ZNF654: variants seen among roughly 807,000 people sequenced by gnomAD.
ZNF654 encodes melanoma-associated antigen.
Under a neutral mutation model 95.3 loss-of-function variants are expected in ZNF654, and 19 were observed. That is an observed-to-expected ratio of 0.20 (90% CI 0.14 to 0.29). ZNF654 has a LOEUF of 0.29. Among genes scored for constraint, ZNF654 ranks in the 10% least tolerant of loss-of-function variants. The pLI, the probability that ZNF654 is intolerant of heterozygous loss-of-function variation, is 1.00. For synonymous variants in ZNF654, 413 were observed against 457.9 expected (o/e 0.90, Z 1.25); for missense variants, 1,046 against 1,341.0 (o/e 0.78, Z 3.44).
chr3:88,078,260 G>C (rs535466754), intron 1 of ZNF654, among the ~76,000 whole-genome samples: 1 of 152,100 alleles, frequency 6.6e-6, no homozygotes, highest in Non-Finnish European at 1.5e-5. Flanking sequence ...ATGAATGAAG[G>C]GGGTAGACCC....
chr3:88,120,074 T>A (rs1290774892), intron 3 of ZNF654, among the ~76,000 whole-genome samples: 1 of 151,140 alleles, frequency 6.6e-6, no homozygotes, highest in Non-Finnish European at 1.5e-5. Flanking sequence ...TCTACTTATT[T>A]AAAAAAAAAT....
chr3:88,128,491 T>C (rs897384568), intron 4 of ZNF654, among the ~76,000 whole-genome samples: 1 of 152,048 alleles, frequency 6.6e-6, no homozygotes, highest in African/African-American at 2.4e-5. Flanking sequence ...CATAGACCCA[T>C]GTTACTTGGA....
At chr3:88,113,229 T>C in intron 3 of ZNF654, 33 bp downstream of exon 3, 1 of 1,383,632 alleles carries the variant, frequency 7.2e-7, no homozygotes, top group Non-Finnish European at 9.9e-7. Flanking sequence ...ACACTTTGTC[T>C]ACACTTAAAA....
chr3:88,080,480 C>A (rs368495525), intron 1 of ZNF654, among the ~76,000 whole-genome samples: 2 of 151,848 alleles, frequency 1.3e-5, no homozygotes, highest in Admixed American at 1.3e-4. Flanking sequence ...TTCAATAGGC[C>A]TGTGATTAAA....
chr3:88,114,896 A>G (rs1373094621), intron 3 of ZNF654, among the ~76,000 whole-genome samples: 1 of 152,230 alleles, frequency 6.6e-6, no homozygotes, highest in Non-Finnish European at 1.5e-5. Flanking sequence ...ATAGTGACCA[A>G]TAGTGATAAG....
chr3:88,130,262 C>A (rs1254596772), intron 6 of ZNF654, among the ~76,000 whole-genome samples: 5 of 152,152 alleles, frequency 3.3e-5, no homozygotes, highest in African/African-American at 1.2e-4. Context: ...CATATACACA[C>A]ATACACACAC....
At chr3:88,141,203 C>A in intron 8 of ZNF654, 155 bp downstream of exon 8, 1 of 812,730 alleles carries the variant, frequency 1.2e-6, no homozygotes, top group Non-Finnish European at 1.8e-6. Flanking sequence ...TACATACAAC[C>A]ACTATGAGGT....
chr3:88,094,176 T>C (rs561481389), intron 2 of ZNF654, among the ~76,000 whole-genome samples: 1 of 152,250 alleles, frequency 6.6e-6, no homozygotes, highest in Non-Finnish European at 1.5e-5. Context: ...GGTTTTGTTC[T>C]TCCCTATTAC....
At chr3:88,114,636 T>C (rs1705281655) in intron 3 of ZNF654, among the ~76,000 whole-genome samples, 1 of 152,180 alleles carries the variant, frequency 6.6e-6, no homozygotes, top group Admixed American at 6.5e-5. Flanking sequence ...CTGTGGCTTC[T>C]TCCTACTCTG....
At chr3:88,073,980 C>T (rs1161886420) in intron 1 of ZNF654, among the ~76,000 whole-genome samples, 1 of 152,020 alleles carries the variant, frequency 6.6e-6, no homozygotes, top group African/African-American at 2.4e-5. Flanking sequence ...GCTAATTAAC[C>T]TGTGATAGTG....
At chr3:88,110,330 A>G (rs1052751078) in intron 2 of ZNF654, among the ~76,000 whole-genome samples, 3 of 152,144 alleles carry the variant, frequency 2.0e-5, no homozygotes, top group African/African-American at 7.2e-5. Flanking sequence ...TCTGCCTATA[A>G]TAGGTCTGTG....
At chr3:88,132,394 C>A (rs966755183) in intron 6 of ZNF654, among the ~76,000 whole-genome samples, 1 of 152,126 alleles carries the variant, frequency 6.6e-6, no homozygotes, top group Non-Finnish European at 1.5e-5. Flanking sequence ...GCTGTGTTTT[C>A]TAATGCACAC....
chr3:88,092,777 C>G (rs1336098230), intron 2 of ZNF654, among the ~76,000 whole-genome samples: 1 of 152,022 alleles, frequency 6.6e-6, no homozygotes. Context: ...TTGTAAGTTA[C>G]TATATTCTCT....
Position 88,135,159 on chromosome 3 carries a change from A to G in ZNF654, c.992A>G (p.Asn331Ser), listed in dbSNP as rs1304150394. ...TACCAGCTTTTAAGAACAGCAACTAATGTGAGAGTCATATTTCCTTTCATG... is the reference window on the plus strand; with the variant it reads ...TACCAGCTTTTAAGAACAGCAACTAGTGTGAGAGTCATATTTCCTTTCATG... ...QCYQLLRTATNVRVIFPFMKI... is the reference protein window; with the variant it reads ...QCYQLLRTATSVRVIFPFMKI... Residue 331 changes from asparagine (N) to serine (S), a missense_variant, in exon 7 of 9, where the codon AAT becomes AGT. Coordinates refer to ENST00000636215, the MANE Select transcript of ZNF654 (RefSeq NM_001350134.2). The G allele has an allele frequency of 2.0e-6, 3 of 1,488,318 alleles. No individual in the cohort carries two copies. Among genetic ancestry groups the G allele is most frequent in the Non-Finnish European group, 2.7e-6 (3 of 1,125,026 alleles). 92.2% of individuals were successfully genotyped at this position (1,488,318 alleles called of 1,614,324 possible). A position where few individuals can be genotyped will look rare whatever the true frequency, so the allele number is the denominator to read the frequency against.
At chr3:88,060,932 A>T (rs1706842739) in intron 1 of ZNF654, among the ~76,000 whole-genome samples, 1 of 152,150 alleles carries the variant, frequency 6.6e-6, no homozygotes, top group African/African-American at 2.4e-5. Flanking sequence ...GTTTTCCCCC[A>T]GTGTCATAAA....
In ZNF654 at chr3:88,142,221, T is replaced by TA. The variant is rs1409121025; in HGVS notation, c.*571dup. 2 of 151,862 alleles carry TA rather than the reference T, an allele frequency of 1.3e-5. No individual in the cohort carries two copies. The highest frequency in any genetic ancestry group is 4.9e-5 in the African/African-American group (2 of 41,196). The allele number at this position is 151,862 out of a possible 1,614,324, so 9.4% of individuals were successfully genotyped here. ...CCACAGTGCTATCAATTAAAGATTG[T>TA]AACAGGTTTCCAGATGATTAATTAG... On this transcript the variant is annotated 3_prime_UTR_variant, in exon 9 of 9. Coordinates refer to ENST00000636215, the MANE Select transcript of ZNF654 (RefSeq NM_001350134.2).
chr3:88,097,645 G>A (rs1484206144), intron 2 of ZNF654, among the ~76,000 whole-genome samples: 3 of 152,088 alleles, frequency 2.0e-5, no homozygotes, highest in Admixed American at 6.5e-5. Context: ...TCAGACCACA[G>A]TGCAATCAAA....
Position 88,082,965 on chromosome 3 carries a change from G to T in ZNF654, c.187-3292G>T, listed in dbSNP as rs151307001. ...TGTGTGCTCACATGGCCATTCTTTGGTGCATGTGCATAGAGAAAGAGAGAG... is the reference window on the plus strand; with the variant it reads ...TGTGTGCTCACATGGCCATTCTTTGTTGCATGTGCATAGAGAAAGAGAGAG... On this transcript the variant is annotated intron_variant, in intron 1 of 8. Coordinates refer to ENST00000636215, the MANE Select transcript of ZNF654 (RefSeq NM_001350134.2). 1.6e-4 allele frequency among the ~76,000 whole-genome samples: 24 copies of T among 152,090 alleles called. No homozygotes were observed. In the East Asian group the frequency reaches 4.6e-3, roughly 29 times the overall value.
intron 1 of ZNF654, among the ~76,000 whole-genome samples, chr3:88,084,900 A>C (rs1344453376): frequency 6.6e-6 from 1 of 152,116 alleles, no homozygotes; most frequent in Non-Finnish European, 1.5e-5. Flanking sequence ...AGTTTAAGGA[A>C]CGCTAATCTT....
Sources: gnomAD v4.1 joint callset for allele counts (sites outside exome capture counted in the v4.1 genomes callset) on GRCh38, gnomAD v4.1.1 for gene constraint, MANE v1.5 for transcripts, NCBI Gene and HGNC (gene_info 2026-07-23, HGNC 2026-07-21) for gene names.